Variants in CHRNA5 observed in about 807,000 individuals in gnomAD.
The protein encoded by CHRNA5 is neuronal acetylcholine receptor subunit alpha-5.
Under a neutral mutation model 41.2 loss-of-function variants are expected in CHRNA5, and 28 were observed. The observed-to-expected ratio is 0.68, with a 90% confidence interval of 0.50 to 0.93. The LOEUF is 0.93. CHRNA5 is among the 40% of genes least tolerant of loss of function. The pLI is 0.00. For missense variants in CHRNA5, 481 were observed against 581.9 expected (o/e 0.83, Z 1.78); for synonymous variants, 188 against 205.8 (o/e 0.91, Z 0.74).
At chr15:78,580,782 A>T in intron 1 of CHRNA5, 29 bp from the exon 2 acceptor site, 1 of 1,581,098 alleles carries the variant, frequency 6.3e-7, no homozygotes. Context: ...AGAAGCGAGT[A>T]CATTAACTTT....
chr15:78,577,926 CAAAA>C (rs5813925), intron 1 of CHRNA5, among the ~76,000 whole-genome samples: 1 of 129,150 alleles, frequency 7.7e-6, no homozygotes, highest in African/African-American at 2.8e-5. Context: ...GACCCTGTCT[CAAAA>C]AAAAAAAAAA....
intron 5 of CHRNA5, 155 bp from the exon 6 acceptor site, chr15:78,592,937 G>T: frequency 1.3e-6 from 1 of 747,650 alleles, no homozygotes; most frequent in Non-Finnish European, 2.1e-6. Flanking sequence ...TCAGGCTAGT[G>T]TCTGTCCCTG....
At position 78,592,993 on chromosome 15, in the gene CHRNA5, CAGA is replaced by C. The variant is rs1320145764; in HGVS notation, c.1246-97_1246-95del. 9 of 1,433,750 alleles carry C rather than the reference CAGA, an allele frequency of 6.3e-6. No individual in the cohort carries two copies. In the Admixed American group the frequency reaches 1.5e-4, roughly 24 times the overall value. 88.8% of individuals were successfully genotyped at this position (1,433,750 alleles called of 1,614,324 possible). A position where few individuals can be genotyped will look rare whatever the true frequency, so the allele number is the denominator to read the frequency against. On this transcript the variant is annotated intron_variant, in intron 5 of 5. Transcript: ENST00000299565. ...ACCGTTTAGAGGCAGCAATGGGAGG[CAGA>C]AATCGATTTGGCTTCTAACTCAGTG... is the stretch of plus-strand genomic sequence containing the variant.
intron 5 of CHRNA5, among the ~76,000 whole-genome samples, chr15:78,592,634 AAAGT>A (rs1448948319): frequency 2.6e-5 from 4 of 152,210 alleles, no homozygotes; most frequent in Admixed American, 6.5e-5. Context: ...AAAAATAAAT[AAAGT>A]GTGTATGTGA....
Position 78,586,680 on chromosome 15 carries a change from GT to G in CHRNA5, c.296del (p.Leu99Ter). On this transcript the variant is annotated frameshift_variant, in exon 3 of 6. Coordinates refer to ENST00000299565, the Ensembl canonical transcript of CHRNA5. LOFTEE classifies it high-confidence loss of function. ...ATCAGTTAATGACAACAAACGTCTG[GT>G]TGAAACAGGTATGTGTGTAAAATTC... 6.2e-7 allele frequency: 1 copy of G among 1,603,756 alleles called. No individual in the cohort carries two copies. The highest frequency in any genetic ancestry group is 8.5e-7 in the Non-Finnish European group (1 of 1,174,604).
exon 6 of CHRNA5, chr15:78,594,900 A>G (rs1891905308): frequency 6.6e-6 from 1 of 152,218 alleles, no homozygotes; most frequent in African/African-American, 2.4e-5. Context: ...GTACAGTATA[A>G]TGTATCACAG....
chr15:78,590,392 C>T lies in CHRNA5; in HGVS notation c.1001C>T (p.Ala334Val), dbSNP rs759142711. The T allele has an allele frequency of 3.1e-6, 5 of 1,614,074 alleles. No homozygotes were observed. In the East Asian group the frequency reaches 8.9e-5, roughly 29 times the overall value. ...CTGTCAATTATGGTAACCGTCTTCG[C>T]TATCAACATTCATCATCGTTCTTCC... Residue 334 changes from alanine (A) to valine (V), a missense_variant, in exon 5 of 6, where the codon GCT (alanine) becomes GTT (valine). Transcript: ENST00000299565.
intron 1 of CHRNA5, among the ~76,000 whole-genome samples, chr15:78,580,530 A>G (rs2052902232): frequency 6.6e-6 from 1 of 152,162 alleles, no homozygotes; most frequent in African/African-American, 2.4e-5. Flanking sequence ...TATCTGAACC[A>G]GAGTGTCCCT....
intron 1 of CHRNA5, 80 bp from the exon 2 acceptor site, chr15:78,580,731 G>C (rs2052904551): frequency 7.8e-7 from 1 of 1,274,668 alleles, no homozygotes. Context: ...TTGCCTCCTG[G>C]GTTTGAACTT....
chr15:78,567,069 A>G lies in CHRNA5; in HGVS notation c.106+1244A>G, dbSNP rs900108519. 4.6e-5 allele frequency among the ~76,000 whole-genome samples: 7 copies of G among 152,080 alleles called. No homozygotes were observed. The East Asian group carries it at 9.7e-4, about 21-fold the overall frequency. The stretch of plus-strand genomic sequence containing the variant: ...AGATCGAGACCATCCTGGCTAACAC[A>G]GTGAAACCCCGTCTCTACTAAAAAT... On this transcript the variant is annotated intron_variant, in intron 1 of 5. Transcript: ENST00000299565.
chr15:78,570,424 A>AT (rs71148540), intron 1 of CHRNA5, among the ~76,000 whole-genome samples: 3,417 of 64,104 alleles, frequency 0.053, 289 homozygotes, highest in Non-Finnish European at 0.066. Context: ...AATCCCGGCT[A>AT]TTTTTTTTTT....
chr15:78,586,133 C>T (rs1193152752), intron 2 of CHRNA5, among the ~76,000 whole-genome samples: 1 of 152,142 alleles, frequency 6.6e-6, no homozygotes, highest in Non-Finnish European at 1.5e-5. Context: ...CAGGGAAATT[C>T]AGATTCTTCC....
Position 78,588,189 on chromosome 15 carries a change from G to A in CHRNA5, c.304-125G>A, listed in dbSNP as rs1264399640. ...TGCCCATAATAAGAAAGACAGGGAG[G>A]TGTTCTCTATTGGGGGTAGAGATGA... is the stretch of plus-strand genomic sequence containing the variant. On this transcript the variant is annotated intron_variant, in intron 3 of 5. Transcript: ENST00000299565. The surrounding 1 kb of genome is among the most constrained non-coding windows in gnomAD (Gnocchi z 4.1). 2.0e-6 allele frequency: 1 copy of A among 497,684 alleles called. No individual in the cohort carries two copies. Among genetic ancestry groups the A allele is most frequent in the East Asian group, 3.2e-5 (1 of 31,148 alleles). 30.8% of individuals were successfully genotyped at this position (497,684 alleles called of 1,614,324 possible).
chr15:78,585,787 C>CTTT (rs1315604579), intron 2 of CHRNA5, among the ~76,000 whole-genome samples: 2 of 62,546 alleles, frequency 3.2e-5, no homozygotes, highest in Non-Finnish European at 5.9e-5. Flanking sequence ...CTTTTCTTTT[C>CTTT]TTTCTTTTTT....
At chr15:78,580,108 CG>C (rs1567056905) in intron 1 of CHRNA5, among the ~76,000 whole-genome samples, 1 of 151,458 alleles carries the variant, frequency 6.6e-6, no homozygotes, top group African/African-American at 2.4e-5. Context: ...GGTGGAACCC[CG>C]TCTCTACTAA....
chr15:78,588,652 C>T lies in CHRNA5; in HGVS notation c.413+229C>T, dbSNP rs2052983211. 6.6e-6 allele frequency among the ~76,000 whole-genome samples: 1 copy of T among 152,124 alleles called. No individual in the cohort carries two copies. The highest frequency in any genetic ancestry group is 1.5e-5 in the Non-Finnish European group (1 of 68,020). ...CTAGCACATGGCAGAGTAGGGGGGT[C>T]ACACCAAGGGGACTGATACCTCCAT... On this transcript the variant is annotated intron_variant, in intron 4 of 5. Coordinates refer to ENST00000299565, the Ensembl canonical transcript of CHRNA5. The surrounding 1 kb of genome is among the most constrained non-coding windows in gnomAD (Gnocchi z 4.1).
Position 78,588,885 on chromosome 15 carries a change from T to A in CHRNA5, c.413+462T>A, listed in dbSNP as rs1490415672. On this transcript the variant is annotated intron_variant, in intron 4 of 5. Transcript: ENST00000299565. This position sits in a 1 kb window ranked among gnomAD's most constrained non-coding sequence, Gnocchi z 4.1. ...ATCCTACCTAGGTGTGTTTTGAGGATTTTTTTTTTTTTAACTTAGGGGAGA... is the reference window on the plus strand; with the variant it reads ...ATCCTACCTAGGTGTGTTTTGAGGAATTTTTTTTTTTTAACTTAGGGGAGA... 6.3e-5 allele frequency among the ~76,000 whole-genome samples: 1 copy of A among 15,814 alleles called. No individual in the cohort carries two copies. The highest frequency in any genetic ancestry group is 1.1e-3 in the Admixed American group (1 of 894). The allele number at this position is 15,814 out of a possible 152,430, so 10.4% of individuals were successfully genotyped here.
intron 1 of CHRNA5, among the ~76,000 whole-genome samples, chr15:78,576,412 C>T (rs1371343652): frequency 1.3e-5 from 2 of 152,182 alleles, no homozygotes; most frequent in East Asian, 1.9e-4. Flanking sequence ...TCCCAAAGTG[C>T]TGGGATTACA....
intron 5 of CHRNA5, 76 bp downstream of exon 5, chr15:78,590,712 A>G: frequency 8.2e-7 from 1 of 1,221,836 alleles, no homozygotes; most frequent in Non-Finnish European, 1.1e-6. Context: ...ATTTTGGCAG[A>G]GTAAACAGCA....
Sources: allele counts gnomAD v4.1 joint callset (sites outside exome capture counted in the v4.1 genomes callset), GRCh38; gene constraint gnomAD v4.1.1; non-coding constraint Gnocchi (gnomAD v3.1); transcripts MANE v1.5; gene names NCBI Gene and HGNC (gene_info 2026-07-23, HGNC 2026-07-21).